The following OPCML variants were observed in gnomAD, a reference collection of about 807,000 sequenced individuals.
OPCML encodes opioid-binding protein/cell adhesion molecule.
OPCML carries 13 observed loss-of-function variants against 37.8 expected under a neutral mutation model. That is an observed-to-expected ratio of 0.34 (90% CI 0.22 to 0.55). The LOEUF is 0.55. Among genes scored for constraint, OPCML ranks in the 20% least tolerant of loss-of-function variants. The probability of loss-of-function intolerance (pLI) is 0.91; values close to 1 mark genes in which losing one functional copy is unlikely to be tolerated. For missense variants in OPCML, 341 were observed against 435.6 expected, an observed-to-expected ratio of 0.78 and a Z score of 1.93; for synonymous variants, 176 against 168.8, an observed-to-expected ratio of 1.04 and a Z score of -0.33.
At chr11:133,199,533 C>T (rs2136316584) in intron 1 of OPCML, among the ~76,000 whole-genome samples, 1 of 152,256 alleles carries the variant, frequency 6.6e-6, no homozygotes. Flanking sequence ...AGTCAACCCT[C>T]TATCTTGCAA....
intron 3 of OPCML, among the ~76,000 whole-genome samples, chr11:132,628,312 T>C (rs192925108): frequency 7.2e-5 from 11 of 152,284 alleles, no homozygotes; most frequent in Admixed American, 7.2e-4. Context: ...AAAAGTATAA[T>C]TGTAATGTTT....
chr11:133,502,425 G>C (rs1305074972), intron 1 of OPCML, among the ~76,000 whole-genome samples: 1 of 152,182 alleles, frequency 6.6e-6, no homozygotes. Flanking sequence ...CGGCTGACAA[G>C]CTCCCTGGGA....
intron 1 of OPCML, among the ~76,000 whole-genome samples, chr11:133,293,278 T>C (rs114618875): frequency 1.3e-5 from 2 of 152,302 alleles, no homozygotes; most frequent in African/African-American, 2.4e-5. Flanking sequence ...TCCATCATCC[T>C]GGAGATGCAC....
intron 1 of OPCML, among the ~76,000 whole-genome samples, chr11:133,522,052 C>T (rs1455523850): frequency 3.9e-5 from 6 of 152,144 alleles, no homozygotes; most frequent in Non-Finnish European, 7.3e-5. Flanking sequence ...ACTGTGAAGG[C>T]AGTGTGGTGG....
chr11:132,558,968 G>A (rs148340761), intron 3 of OPCML, among the ~76,000 whole-genome samples: 120 of 152,152 alleles, frequency 7.9e-4, no homozygotes, highest in African/African-American at 2.6e-3. Flanking sequence ...ACCAGCAAGC[G>A]CTCAATTAAT....
chr11:133,099,182 CTAAA>C (rs1200384109), intron 1 of OPCML, among the ~76,000 whole-genome samples: 1 of 151,830 alleles, frequency 6.6e-6, no homozygotes, highest in South Asian at 2.1e-4. Flanking sequence ...CAAAGAAAAA[CTAAA>C]TAAATGAAGA....
At chr11:133,287,450 CTGTT>C (rs1942333738) in intron 1 of OPCML, among the ~76,000 whole-genome samples, 2 of 148,694 alleles carry the variant, frequency 1.3e-5, no homozygotes, top group South Asian at 4.3e-4. Flanking sequence ...CAGATTTTAG[CTGTT>C]TGATAGCCCC....
chr11:132,922,469 A>G (rs1295441052), intron 2 of OPCML, among the ~76,000 whole-genome samples: 1 of 152,040 alleles, frequency 6.6e-6, no homozygotes, highest in African/African-American at 2.4e-5. Context: ...CAAAAGCAGC[A>G]CGTGTGCGGG....
chr11:133,301,165 G>C (rs963982875), intron 1 of OPCML: 1 of 152,120 alleles, frequency 6.6e-6, no homozygotes, highest in Admixed American at 6.6e-5. Flanking sequence ...TCTCAAAACA[G>C]TTCTAGTTTG....
At chr11:133,262,501 G>A (rs1205363354) in intron 1 of OPCML, among the ~76,000 whole-genome samples, 1 of 152,182 alleles carries the variant, frequency 6.6e-6, no homozygotes. Flanking sequence ...TCAGATGTTA[G>A]ATCCATTCTG....
intron 1 of OPCML, among the ~76,000 whole-genome samples, chr11:133,181,533 C>A (rs1249770101): frequency 1.3e-5 from 2 of 152,016 alleles, no homozygotes; most frequent in South Asian, 2.1e-4. Context: ...TTCTACAGGG[C>A]AAATATTCTC....
intron 1 of OPCML, among the ~76,000 whole-genome samples, chr11:133,475,298 G>A (rs1017444854): frequency 6.6e-6 from 1 of 151,808 alleles, no homozygotes; most frequent in African/African-American, 2.4e-5. Flanking sequence ...AGCCACATAG[G>A]ATGCAAATGC....
chr11:133,194,203 C>A (rs905030223), intron 1 of OPCML, among the ~76,000 whole-genome samples: 8 of 133,036 alleles, frequency 6.0e-5, no homozygotes, highest in South Asian at 2.3e-4. Flanking sequence ...CCCCTTCCCC[C>A]ACTTTTTTTT....
chr11:132,934,657 C>G (rs1393440188), intron 2 of OPCML, among the ~76,000 whole-genome samples: 3 of 152,294 alleles, frequency 2.0e-5, no homozygotes, highest in Non-Finnish European at 4.4e-5. Context: ...TACACACTGT[C>G]CCCTTCTTTA....
intron 1 of OPCML, among the ~76,000 whole-genome samples, chr11:133,340,283 G>A (rs1044856079): frequency 1.3e-5 from 2 of 152,176 alleles, no homozygotes; most frequent in Non-Finnish European, 2.9e-5. Flanking sequence ...TAATCCGGCA[G>A]TATGCAGTGG....
intron 1 of OPCML, among the ~76,000 whole-genome samples, chr11:132,971,448 C>G (rs918424914): frequency 3.3e-5 from 5 of 152,196 alleles, no homozygotes; most frequent in Admixed American, 3.3e-4. Flanking sequence ...CACAGCCTTT[C>G]TTTATATCAT....
chr11:133,139,820 G>T (rs1348393222), intron 1 of OPCML, among the ~76,000 whole-genome samples: 2 of 152,148 alleles, frequency 1.3e-5, no homozygotes, highest in Non-Finnish European at 2.9e-5. Context: ...CTCACAAATG[G>T]AAATAAAAGA....
At chr11:132,721,482 G>T (rs566934686) in intron 2 of OPCML, among the ~76,000 whole-genome samples, 1 of 152,194 alleles carries the variant, frequency 6.6e-6, no homozygotes, top group African/African-American at 2.4e-5. Context: ...GCAGCAAGGC[G>T]TGCTTTCGGG....
chr11:133,388,602 T>C (rs937712266), intron 1 of OPCML, among the ~76,000 whole-genome samples: 2 of 152,352 alleles, frequency 1.3e-5, no homozygotes, highest in African/African-American at 4.8e-5. Flanking sequence ...ATGTTGAACG[T>C]ACTGCAACTA....
Sources: allele counts gnomAD v4.1 joint callset (sites outside exome capture counted in the v4.1 genomes callset), GRCh38; gene constraint gnomAD v4.1.1; transcripts MANE v1.5; gene names NCBI Gene and HGNC (gene_info 2026-07-23, HGNC 2026-07-21).